The following ZBTB20 variants were observed in gnomAD, a reference collection of about 807,000 sequenced individuals.
ZBTB20 encodes zinc finger and BTB domain-containing protein 20.
ZBTB20 carries 9 observed loss-of-function variants against 56.9 expected under a neutral mutation model. The observed-to-expected ratio is 0.16, with a 90% confidence interval of 0.10 to 0.28. The LOEUF is 0.28. Ranked by LOEUF, ZBTB20 falls within the 10% of genes least tolerant of loss-of-function variation. ZBTB20 has a pLI of 1.00. For missense variants in ZBTB20, 655 were observed against 1,003.0 expected (o/e 0.65, Z 4.69); for synonymous variants, 417 against 420.7 (o/e 0.99, Z 0.11).
chr3:114,894,298 T>C (rs1014960634), intron 4 of ZBTB20, among the ~76,000 whole-genome samples: 7 of 152,236 alleles, frequency 4.6e-5, no homozygotes, highest in South Asian at 2.1e-4. Flanking sequence ...CATACATATA[T>C]TGGATATTAC....
intron 5 of ZBTB20, among the ~76,000 whole-genome samples, chr3:114,738,571 T>C (rs1014379567): frequency 6.6e-6 from 1 of 152,220 alleles, no homozygotes; most frequent in Non-Finnish European, 1.5e-5. Context: ...GTCACACTTC[T>C]CATATAACAA....
At chr3:114,620,596 C>G (rs1244899498) in intron 6 of ZBTB20, among the ~76,000 whole-genome samples, 2 of 152,140 alleles carry the variant, frequency 1.3e-5, no homozygotes, top group Non-Finnish European at 2.9e-5. Flanking sequence ...CCGGCTGTTT[C>G]TTTCACTATG....
At chr3:114,623,398 T>C (rs2058451922) in intron 6 of ZBTB20, among the ~76,000 whole-genome samples, 2 of 152,174 alleles carry the variant, frequency 1.3e-5, no homozygotes, top group South Asian at 4.1e-4. Flanking sequence ...GGTTTAATAC[T>C]GTGAGGACAG....
intron 5 of ZBTB20, among the ~76,000 whole-genome samples, chr3:114,707,696 T>C (rs561173350): frequency 3.1e-4 from 47 of 152,262 alleles, no homozygotes; most frequent in African/African-American, 1.0e-3. Flanking sequence ...ATCCATCTTC[T>C]ATTTGCAGTC....
intron 4 of ZBTB20, among the ~76,000 whole-genome samples, chr3:114,835,218 G>A (rs137990240): frequency 0.012 from 1,752 of 152,250 alleles, 16 homozygotes; most frequent in South Asian, 0.041. Context: ...AAGCAGATGG[G>A]AGAGTTCTTT....
At chr3:115,081,755 C>T (rs2082804377) in intron 1 of ZBTB20, among the ~76,000 whole-genome samples, 2 of 151,992 alleles carry the variant, frequency 1.3e-5, no homozygotes, top group Non-Finnish European at 2.9e-5. Flanking sequence ...TGTTTGACTT[C>T]ACCATAAAAT....
At position 114,503,256 on chromosome 3, in the gene ZBTB20, A is replaced by G. The variant is rs149284106; in HGVS notation, c.-294-2865T>C. On this transcript the variant is annotated intron_variant, in intron 6 of 11. Coordinates refer to ENST00000675478, the MANE Select transcript of ZBTB20 (RefSeq NM_001348800.3). ...TATGTCACAGTCTAAAACAAATTAA[A>G]GCCAAGTTAGATGGAAGTTTTATTG... is the stretch of plus-strand genomic sequence containing the variant. Among the ~76,000 whole-genome samples, 1,116 of 152,308 alleles carry G rather than the reference A, an allele frequency of 7.3e-3. 17 individuals carry two copies. The highest frequency in any genetic ancestry group is 6.4e-3 in the Non-Finnish European group (436 of 68,024).
chr3:114,507,881 G>T (rs2109766236), intron 6 of ZBTB20, among the ~76,000 whole-genome samples: 2 of 152,222 alleles, frequency 1.3e-5, no homozygotes, highest in South Asian at 4.1e-4. Context: ...ATTCAAAATA[G>T]TAATATATGG....
chr3:115,105,423 G>C (rs2108614543), intron 1 of ZBTB20, among the ~76,000 whole-genome samples: 1 of 152,208 alleles, frequency 6.6e-6, no homozygotes. Context: ...GAGTTTATGT[G>C]TTTAATCCCT....
At chr3:114,844,520 C>CAAAAAAAAAAAAAAAAAAA (rs71146342) in intron 4 of ZBTB20, among the ~76,000 whole-genome samples, 1 of 22,810 alleles carries the variant, frequency 4.4e-5, no homozygotes, top group Non-Finnish European at 6.5e-5. Context: ...GTCCCTGTCT[C>CAAAAAAAAAAAAAAAAAAA]AAAAAAAAAA....
At chr3:114,555,488 G>T (rs2051098468) in intron 6 of ZBTB20, among the ~76,000 whole-genome samples, 1 of 152,004 alleles carries the variant, frequency 6.6e-6, no homozygotes, top group African/African-American at 2.4e-5. Context: ...CCATAGAAAC[G>T]ATGATTGGTA....
At chr3:114,364,432 CAG>C (rs1259245468) in intron 10 of ZBTB20, among the ~76,000 whole-genome samples, 1 of 152,212 alleles carries the variant, frequency 6.6e-6, no homozygotes, top group Admixed American at 6.5e-5. Context: ...GCCTAGGCAA[CAG>C]AGTGAGACTC....
chr3:114,665,139 A>C (rs935894312), intron 6 of ZBTB20, among the ~76,000 whole-genome samples: 4 of 152,082 alleles, frequency 2.6e-5, no homozygotes, highest in Non-Finnish European at 2.9e-5. Context: ...TTGGTCAACA[A>C]TGAACCACAT....
At chr3:114,921,293 T>C (rs1198711586) in intron 3 of ZBTB20, among the ~76,000 whole-genome samples, 1 of 152,090 alleles carries the variant, frequency 6.6e-6, no homozygotes, top group East Asian at 1.9e-4. Flanking sequence ...CAGCTAGTTT[T>C]TGTATTTTTA....
intron 2 of ZBTB20, among the ~76,000 whole-genome samples, chr3:114,988,014 CTTCTTTTTTT>C (rs1016848179): frequency 1.3e-5 from 2 of 149,760 alleles, no homozygotes; most frequent in African/African-American, 4.9e-5. Flanking sequence ...TCCCTATCGT[CTTCTTTTTTT>C]TTCTTTTTTT....
chr3:114,719,089 C>T (rs888301925), intron 5 of ZBTB20, among the ~76,000 whole-genome samples: 5 of 143,178 alleles, frequency 3.5e-5, no homozygotes, highest in African/African-American at 1.3e-4. Flanking sequence ...AGCCAAAAGG[C>T]CAGGAAGAAG....
rs1560068052 is a variant in ZBTB20 at position 114,327,988 on chromosome 3, T to C, written c.*11017A>G. On this transcript the variant is annotated 3_prime_UTR_variant, in exon 12 of 12. Transcript: ENST00000675478. ...GGGCAATGCTCTGGTGACCAGACAG[T>C]TGTAATCCACTGCAGGGAGATCTAG... 1 of 152,166 alleles carries C rather than the reference T, an allele frequency of 6.6e-6. No homozygotes were observed. Among genetic ancestry groups the C allele is most frequent in the Non-Finnish European group, 1.5e-5 (1 of 68,032 alleles). 9.4% of individuals were successfully genotyped at this position (152,166 alleles called of 1,614,324 possible).
chr3:114,770,527 C>T (rs1383751295), intron 5 of ZBTB20, among the ~76,000 whole-genome samples: 1 of 151,746 alleles, frequency 6.6e-6, no homozygotes, highest in East Asian at 1.9e-4. Context: ...AAAAAGAATC[C>T]ACTTCATGTA....
intron 6 of ZBTB20, among the ~76,000 whole-genome samples, chr3:114,599,961 A>T (rs950993): frequency 0.021 from 3,235 of 152,056 alleles, 112 homozygotes; most frequent in African/African-American, 0.073. Flanking sequence ...GCGAGCGAGC[A>T]CATAAGATTC....
Sources: gnomAD v4.1 joint callset for allele counts (sites outside exome capture counted in the v4.1 genomes callset) on GRCh38, gnomAD v4.1.1 for gene constraint, MANE v1.5 for transcripts, NCBI Gene and HGNC (gene_info 2026-07-23, HGNC 2026-07-21) for gene names.